Variants in ADAMTSL1 observed in about 807,000 individuals in gnomAD.
ADAMTSL1 encodes ADAMTS like 1, also known as ADAMTS-like protein 1.
In ADAMTSL1, 126 loss-of-function variants were observed where a neutral mutation model predicts 201.8. The ratio of observed to expected loss-of-function variants is 0.62; its 90% CI spans 0.54 to 0.72. ADAMTSL1 has a LOEUF of 0.72. Ranked by LOEUF, ADAMTSL1 falls within the 30% of genes least tolerant of loss-of-function variation. The pLI is 0.00. For synonymous variants in ADAMTSL1, 1,121 were observed against 903.4 expected, an observed-to-expected ratio of 1.24 and a Z score of -4.32; for missense variants, 2,679 against 2,277.8, an observed-to-expected ratio of 1.18 and a Z score of -3.59.
chr9:18,179,349 G>A (rs372492611), intron 2 of ADAMTSL1, among the ~76,000 whole-genome samples: 91 of 152,190 alleles, frequency 6.0e-4, no homozygotes, highest in Non-Finnish European at 8.7e-4. Flanking sequence ...AGAAACGAGC[G>A]AAGCCTCCAA....
intron 2 of ADAMTSL1, among the ~76,000 whole-genome samples, chr9:18,456,979 G>T (rs1476794931): frequency 2.0e-5 from 3 of 152,184 alleles, no homozygotes; most frequent in Non-Finnish European, 4.4e-5. Flanking sequence ...CATTCATTTA[G>T]CATCTAGAAC....
At chr9:18,470,472 G>C (rs1468224543), upstream of ADAMTSL1, among the ~76,000 whole-genome samples, 34 of 152,102 alleles carry the variant, frequency 2.2e-4, no homozygotes, top group Admixed American at 2.2e-3. Context: ...ATCCCTGTGG[G>C]GAAAACAAGG....
At chr9:18,653,927 G>A (rs767792283) in intron 7 of ADAMTSL1, among the ~76,000 whole-genome samples, 14 of 152,200 alleles carry the variant, frequency 9.2e-5, no homozygotes, top group Non-Finnish European at 1.6e-4. Context: ...CTTCCAAGGA[G>A]GGTAGAAAGT....
At chr9:18,527,652 G>T (rs1218204398) in intron 2 of ADAMTSL1, among the ~76,000 whole-genome samples, 1 of 152,004 alleles carries the variant, frequency 6.6e-6, no homozygotes, top group African/African-American at 2.4e-5. Flanking sequence ...AAGTTTAGAT[G>T]GTGTATTATG....
At chr9:18,445,683 C>G (rs1158471354) in intron 2 of ADAMTSL1, among the ~76,000 whole-genome samples, 1 of 152,118 alleles carries the variant, frequency 6.6e-6, no homozygotes, top group Non-Finnish European at 1.5e-5. Context: ...TGATTCCCTA[C>G]TTGACTGGAG....
chr9:18,635,888 C>G, intron 5 of ADAMTSL1, 55 bp from the exon 6 acceptor site: 1 of 1,480,514 alleles, frequency 6.8e-7, no homozygotes, highest in Middle Eastern at 1.7e-4. Context: ...AGAAGGCAAT[C>G]AATAATTTTG....
chr9:18,679,407 TA>T (rs1830314637), intron 10 of ADAMTSL1, among the ~76,000 whole-genome samples: 1 of 152,060 alleles, frequency 6.6e-6, no homozygotes, highest in Non-Finnish European at 1.5e-5. Context: ...CTACATTCTG[TA>T]AATCTACAGG....
At chr9:18,399,302 TATATATATATATATATATATATATATAA>T (rs1817879072) in intron 2 of ADAMTSL1, among the ~76,000 whole-genome samples, 4 of 108,154 alleles carry the variant, frequency 3.7e-5, no homozygotes, top group African/African-American at 1.5e-4. Context: ...TATATATATA[TATATATATATATATATATATATATATAA>T]AATTATTATT....
chr9:18,599,781 A>T (rs978224385), intron 4 of ADAMTSL1, among the ~76,000 whole-genome samples: 10 of 150,694 alleles, frequency 6.6e-5, no homozygotes, highest in Admixed American at 5.9e-4. Context: ...ATATAATTAA[A>T]TTATATTTAT....
At chr9:18,346,496 C>T (rs764997181) in intron 2 of ADAMTSL1, among the ~76,000 whole-genome samples, 28 of 152,118 alleles carry the variant, frequency 1.8e-4, no homozygotes, top group Non-Finnish European at 2.6e-4. Context: ...ATCAAATCTA[C>T]CTTGGAGAGT....
rs531237363 is a variant in ADAMTSL1 at position 18,608,933 on chromosome 9, T to C, written c.475-13310T>C. On this transcript the variant is annotated intron_variant, in intron 4 of 28. Transcript: ENST00000380548. Reference sequence around the variant, plus strand: ...ATTCAGGGATTCTTCTCCATTAAAATAAATAAATTTTGAATATCCCTTATA... The same window carrying C: ...ATTCAGGGATTCTTCTCCATTAAAACAAATAAATTTTGAATATCCCTTATA... Among the ~76,000 whole-genome samples the C allele has an allele frequency of 5.3e-5, 8 of 152,296 alleles. No individual in the cohort carries two copies. In the East Asian group the frequency reaches 1.5e-3, roughly 29 times the overall value.
At chr9:17,999,459 T>A (rs896076438) in intron 1 of ADAMTSL1, among the ~76,000 whole-genome samples, 2 of 152,060 alleles carry the variant, frequency 1.3e-5, no homozygotes, top group African/African-American at 4.8e-5. Context: ...TGTTGGTCAT[T>A]GTAGATTTTT....
At chr9:18,363,788 C>G (rs915640396) in intron 2 of ADAMTSL1, among the ~76,000 whole-genome samples, 2 of 152,028 alleles carry the variant, frequency 1.3e-5, no homozygotes, top group African/African-American at 4.8e-5. Flanking sequence ...TACCTAGCTG[C>G]TTTGGTTCAA....
At position 18,753,786 on chromosome 9, in the gene ADAMTSL1, G is replaced by C. The variant is rs574277666; in HGVS notation, c.2217+278G>C. Among the ~76,000 whole-genome samples the C allele has an allele frequency of 3.9e-5, 6 of 152,256 alleles. No individual in the cohort carries two copies. In the East Asian group the frequency reaches 1.2e-3, roughly 29 times the overall value. ...ATATTTATGACAAAGCTGTCACAAAGCTAAGGAAAATTTTTTAAAATCAAG... is the reference window on the plus strand; with the variant it reads ...ATATTTATGACAAAGCTGTCACAAACCTAAGGAAAATTTTTTAAAATCAAG... On this transcript the variant is annotated intron_variant, in intron 16 of 28. Transcript: ENST00000380548.
intron 23 of ADAMTSL1, among the ~76,000 whole-genome samples, chr9:18,844,773 A>C (rs902108124): frequency 2.6e-5 from 4 of 152,106 alleles, no homozygotes; most frequent in Admixed American, 2.6e-4. Flanking sequence ...TTGCTGCCGC[A>C]TTGCAGTTTG....
At chr9:17,946,988 A>G (rs898288484) in intron 1 of ADAMTSL1, among the ~76,000 whole-genome samples, 1 of 152,090 alleles carries the variant, frequency 6.6e-6, no homozygotes, top group African/African-American at 2.4e-5. Flanking sequence ...AAATAGTTCT[A>G]CAAGTTTTCT....
chr9:17,969,266 A>G (rs1034554830), intron 1 of ADAMTSL1, among the ~76,000 whole-genome samples: 2 of 152,104 alleles, frequency 1.3e-5, no homozygotes, highest in African/African-American at 4.8e-5. Flanking sequence ...AATAGGAAGA[A>G]GATGTGATAT....
chr9:18,898,755 C>T (rs10124966), intron 26 of ADAMTSL1, among the ~76,000 whole-genome samples: 2 of 151,978 alleles, frequency 1.3e-5, no homozygotes, highest in African/African-American at 4.8e-5. Context: ...TTCAACATCA[C>T]CTTCATCTTA....
At chr9:18,373,365 C>T (rs1275009862) in intron 2 of ADAMTSL1, among the ~76,000 whole-genome samples, 2 of 152,134 alleles carry the variant, frequency 1.3e-5, no homozygotes, top group African/African-American at 2.4e-5. Context: ...ATTACTTAAT[C>T]CTGATTATAA....
Sources: allele counts gnomAD v4.1 joint callset (sites outside exome capture counted in the v4.1 genomes callset), GRCh38; gene constraint gnomAD v4.1.1; transcripts MANE v1.5; gene names NCBI Gene and HGNC (gene_info 2026-07-23, HGNC 2026-07-21).